DNAJC6: variants seen among roughly 807,000 people sequenced by gnomAD.
DNAJC6 encodes auxilin.
A neutral mutation model predicts 110.0 loss-of-function variants in DNAJC6; 34 were observed. The ratio of observed to expected loss-of-function variants is 0.31; its 90% CI spans 0.24 to 0.41. The LOEUF (loss-of-function observed/expected upper bound fraction) is 0.41, where lower values mean the gene tolerates loss of function less well. Among genes scored for constraint, DNAJC6 ranks in the 10% least tolerant of loss-of-function variants. The probability of loss-of-function intolerance (pLI) is 1.00; values close to 1 mark genes in which losing one functional copy is unlikely to be tolerated. For missense variants in DNAJC6, 1,031 were observed against 1,207.8 expected, an observed-to-expected ratio of 0.85 and a Z score of 2.17; for synonymous variants, 406 against 437.2, an observed-to-expected ratio of 0.93 and a Z score of 0.89.
At chr1:65,269,257 A>G (rs1218842109) in intron 1 of DNAJC6, among the ~76,000 whole-genome samples, 1 of 151,992 alleles carries the variant, frequency 6.6e-6, no homozygotes, top group African/African-American at 2.4e-5. Context: ...AATCCCAGCT[A>G]CTGGGGAGGC....
At chr1:65,292,425 C>T (rs909734970) in intron 1 of DNAJC6, among the ~76,000 whole-genome samples, 9 of 151,166 alleles carry the variant, frequency 6.0e-5, no homozygotes, top group Admixed American at 5.9e-4. Flanking sequence ...TAATAAACCA[C>T]CCCAAACTTT....
intron 1 of DNAJC6, among the ~76,000 whole-genome samples, chr1:65,316,248 C>T (rs1335401979): frequency 6.6e-6 from 1 of 152,182 alleles, no homozygotes. Flanking sequence ...CCCCAGCCTG[C>T]ACCTCCATCT....
At chr1:65,371,054 A>C (rs1324615852) in intron 4 of DNAJC6, among the ~76,000 whole-genome samples, 1 of 152,176 alleles carries the variant, frequency 6.6e-6, no homozygotes, top group Non-Finnish European at 1.5e-5. Flanking sequence ...AGACTCCCAC[A>C]TTCTAGTTAT....
rs758464586 is a variant in DNAJC6, at chr1:65,372,149, GTGTGT to G, written c.543+5954_543+5958del. 2.6e-4 allele frequency among the ~76,000 whole-genome samples: 10 copies of G among 38,030 alleles called. No homozygotes were observed. In the African/African-American group the frequency reaches 3.7e-3, roughly 14 times the overall value. The allele number at this position is 38,030 out of a possible 152,430, so 24.9% of individuals were successfully genotyped here. A position where few individuals can be genotyped will look rare whatever the true frequency, so the allele number is the denominator to read the frequency against. The stretch of plus-strand genomic sequence containing the variant: ...CATTACAGATATTGACATTTGGGGT[GTGTGT>G]GTGTGTGTGTGTGTGTGTGTGTGTG... On this transcript the variant is annotated intron_variant, in intron 4 of 18. Transcript: ENST00000371069.
At chr1:65,292,272 C>T (rs1005437690) in intron 1 of DNAJC6, among the ~76,000 whole-genome samples, 9 of 151,716 alleles carry the variant, frequency 5.9e-5, no homozygotes, top group Admixed American at 5.9e-4. Context: ...CCCACCTTGG[C>T]CTCCCAAAGT....
chr1:65,304,099 T>C (rs1018637271), intron 1 of DNAJC6, among the ~76,000 whole-genome samples: 1 of 151,950 alleles, frequency 6.6e-6, no homozygotes, highest in African/African-American at 2.4e-5. Flanking sequence ...TTAAGGTAGG[T>C]AAGGCACCTG....
chr1:65,388,501 C>G, intron 9 of DNAJC6, 86 bp downstream of exon 9: 1 of 1,236,582 alleles, frequency 8.1e-7, no homozygotes, highest in Non-Finnish European at 1.2e-6. Context: ...GTAGCATACC[C>G]TGGAATCCTG....
intron 4 of DNAJC6, among the ~76,000 whole-genome samples, chr1:65,370,338 C>T (rs1470957106): frequency 6.6e-6 from 1 of 152,132 alleles, no homozygotes; most frequent in Admixed American, 6.5e-5. Flanking sequence ...GTTGCATAAC[C>T]AACACCGCTA....
intron 1 of DNAJC6, among the ~76,000 whole-genome samples, chr1:65,289,109 GTT>G (rs1654112659): frequency 6.6e-6 from 1 of 152,184 alleles, no homozygotes; most frequent in Admixed American, 6.5e-5. Flanking sequence ...TTACAAAGTG[GTT>G]GTACCAAGTT....
chr1:65,311,286 G>GCGAACT (rs1645098971), intron 1 of DNAJC6, among the ~76,000 whole-genome samples: 2 of 137,820 alleles, frequency 1.5e-5, no homozygotes, highest in Admixed American at 7.9e-5. Context: ...GTGCAGGGAT[G>GCGAACT]CGAACTCGGC....
At position 65,387,187 on chromosome 1, in the gene DNAJC6, A is replaced by G. The variant is rs9436725; in HGVS notation, c.1113+258A>G. 0.65 allele frequency among the ~76,000 whole-genome samples: 98,768 copies of G among 152,004 alleles called. 32,544 individuals carry two copies. The highest frequency in any genetic ancestry group is 0.79 in the African/African-American group (32,811 of 41,460). On this transcript the variant is annotated intron_variant, in intron 8 of 18. Coordinates refer to ENST00000371069, the MANE Select transcript of DNAJC6 (RefSeq NM_001256864.2). Reference sequence around the variant, plus strand: ...AGCCCTGGAACTCTTAGCAAACCATACTCTTTAGAAGCCTGTGCTTTTCTT... The same window carrying G: ...AGCCCTGGAACTCTTAGCAAACCATGCTCTTTAGAAGCCTGTGCTTTTCTT...
intron 1 of DNAJC6, among the ~76,000 whole-genome samples, chr1:65,299,681 C>T (rs1275017405): frequency 6.6e-6 from 1 of 152,080 alleles, no homozygotes; most frequent in Non-Finnish European, 1.5e-5. Context: ...GATGAGAAAA[C>T]ACAGGTTTAG....
intron 1 of DNAJC6, among the ~76,000 whole-genome samples, chr1:65,321,856 T>C (rs1430809365): frequency 6.6e-6 from 1 of 152,210 alleles, no homozygotes; most frequent in East Asian, 1.9e-4. Context: ...AGCCAAGATA[T>C]ATCAGCTACT....
chr1:65,288,285 T>G (rs1654086819), intron 1 of DNAJC6, among the ~76,000 whole-genome samples: 1 of 152,214 alleles, frequency 6.6e-6, no homozygotes, highest in South Asian at 2.1e-4. Context: ...TTTCTAAAAT[T>G]TGTTGCTGTT....
At chr1:65,335,253 G>A (rs1464819934) in intron 1 of DNAJC6, among the ~76,000 whole-genome samples, 2 of 150,514 alleles carry the variant, frequency 1.3e-5, no homozygotes, top group Admixed American at 6.7e-5. Context: ...GACTACAGGC[G>A]CACACCACCC....
chr1:65,413,078 T>A lies in DNAJC6; in HGVS notation c.*53T>A, dbSNP rs1646143454. The A allele has an allele frequency of 6.5e-7, 1 of 1,536,322 alleles. No individual in the cohort carries two copies. The highest frequency in any genetic ancestry group is 1.8e-5 in the Admixed American group (1 of 54,982). On this transcript the variant is annotated 3_prime_UTR_variant, in exon 19 of 19. Transcript: ENST00000371069. ...GACCTGTGCTAATGCTTAGTGTGTGTCACAATTCTGAGGTTTTCGCAGATG... is the reference window on the plus strand; with the variant it reads ...GACCTGTGCTAATGCTTAGTGTGTGACACAATTCTGAGGTTTTCGCAGATG...
intron 1 of DNAJC6, among the ~76,000 whole-genome samples, chr1:65,357,407 T>C (rs537185182): frequency 3.2e-4 from 48 of 152,324 alleles, no homozygotes; most frequent in African/African-American, 1.1e-3. Flanking sequence ...TCTGTGGAAG[T>C]GTTTTTGTGG....
intron 1 of DNAJC6, among the ~76,000 whole-genome samples, chr1:65,293,372 C>T (rs1016973578): frequency 3.9e-5 from 6 of 152,100 alleles, no homozygotes; most frequent in African/African-American, 1.4e-4. Context: ...GACACTAATC[C>T]CATGATGGGG....
At chr1:65,272,059 T>A (rs2101159676) in intron 1 of DNAJC6, among the ~76,000 whole-genome samples, 1 of 152,262 alleles carries the variant, frequency 6.6e-6, no homozygotes, top group South Asian at 2.1e-4. Context: ...TTCCCCTTTG[T>A]CTCATTGCAC....
Sources: gnomAD v4.1 joint callset for allele counts (sites outside exome capture counted in the v4.1 genomes callset) on GRCh38, gnomAD v4.1.1 for gene constraint, MANE v1.5 for transcripts, NCBI Gene and HGNC (gene_info 2026-07-23, HGNC 2026-07-21) for gene names.